ETFA: variants seen among roughly 807,000 people sequenced by gnomAD.
The protein encoded by ETFA is electron transfer flavoprotein subunit alpha.
In ETFA, 22 loss-of-function variants were observed where a neutral mutation model predicts 46.2. The ratio of observed to expected loss-of-function variants is 0.48; its 90% CI spans 0.34 to 0.68. The LOEUF (loss-of-function observed/expected upper bound fraction) is 0.68. ETFA is among the 30% of genes least tolerant of loss of function. ETFA has a pLI of 0.01. For synonymous variants in ETFA, 131 were observed against 139.9 expected (o/e 0.94, Z 0.45); for missense variants, 345 against 401.1 (o/e 0.86, Z 1.19).
intron 11 of ETFA, among the ~76,000 whole-genome samples, chr15:76,225,405 C>T (rs1355891138): frequency 1.3e-5 from 2 of 152,164 alleles, no homozygotes; most frequent in African/African-American, 4.8e-5. Context: ...TCTCCTGCCT[C>T]AGCCTCCCGA....
chr15:76,227,209 G>A (rs1037160254), intron 10 of ETFA, among the ~76,000 whole-genome samples: 2 of 151,944 alleles, frequency 1.3e-5, no homozygotes, highest in Non-Finnish European at 1.5e-5. Flanking sequence ...ACCAGCCTGC[G>A]CAACACAGGG....
intron 7 of ETFA, chr15:76,285,054 C>T (rs991660889): frequency 1.7e-5 from 4 of 238,540 alleles, no homozygotes; most frequent in Non-Finnish European, 3.4e-5. Flanking sequence ...TGTTTAATTG[C>T]AAGGATTTAA....
intron 11 of ETFA, among the ~76,000 whole-genome samples, chr15:76,218,983 G>T (rs570064275): frequency 1.1e-4 from 16 of 152,156 alleles, no homozygotes; most frequent in Non-Finnish European, 2.9e-5. Flanking sequence ...AGAAGGAGAA[G>T]AGAATAGCAT....
intron 1 of ETFA, among the ~76,000 whole-genome samples, chr15:76,305,549 T>C (rs932293469): frequency 6.6e-6 from 1 of 152,236 alleles, no homozygotes; most frequent in East Asian, 1.9e-4. Context: ...TAGCAAAATA[T>C]GAAGTTTTCT....
chr15:76,304,246 C>G (rs965290161), intron 1 of ETFA, among the ~76,000 whole-genome samples: 11 of 152,070 alleles, frequency 7.2e-5, no homozygotes, highest in African/African-American at 2.7e-4. Context: ...CATCAAATAC[C>G]TATGGATACA....
intron 9 of ETFA, among the ~76,000 whole-genome samples, chr15:76,253,236 C>T (rs897705181): frequency 2.0e-5 from 3 of 152,082 alleles, no homozygotes; most frequent in African/African-American, 7.2e-5. Flanking sequence ...AATCCATAAG[C>T]ATACTAGGAA....
At chr15:76,290,237 T>C (rs914116254) in intron 4 of ETFA, among the ~76,000 whole-genome samples, 4 of 150,274 alleles carry the variant, frequency 2.7e-5, no homozygotes, top group African/African-American at 9.8e-5. Context: ...AGTATATAAA[T>C]GCAAAAAACT....
At chr15:76,282,487 ATAAAC>A (rs1290233232) in intron 8 of ETFA, among the ~76,000 whole-genome samples, 1 of 152,228 alleles carries the variant, frequency 6.6e-6, no homozygotes, top group African/African-American at 2.4e-5. Flanking sequence ...TGTAGCCAAA[ATAAAC>A]TAATAGCACC....
chr15:76,305,864 T>G (rs1382106563), intron 1 of ETFA, among the ~76,000 whole-genome samples: 1 of 145,160 alleles, frequency 6.9e-6, no homozygotes, highest in Non-Finnish European at 1.5e-5. Flanking sequence ...CAATAGTTGT[T>G]TTTTTTTTTT....
In ETFA at chr15:76,225,893, T is replaced by C. The variant is rs373896010; in HGVS notation, c.919A>G (p.Ile307Val). Residue 307 changes from isoleucine (I) to valine (V), a missense_variant, in exon 11 of 12, where the codon ATT becomes GTT. Ile to Val is a conservative substitution (Grantham distance 29, BLOSUM62 3). Coordinates refer to ENST00000557943, the MANE Select transcript of ETFA (RefSeq NM_000126.4). ...ATTCCATAATCTGCCACTTGGAAAA[T>C]TGGAGCTTCTGGGTCTTTATTAATT... ...VAINKDPEAPIFQVADYGIVA... is the reference protein window; with the variant it reads ...VAINKDPEAPVFQVADYGIVA... The C allele has an allele frequency of 3.1e-5, 50 of 1,612,166 alleles. No individual in the cohort carries two copies. Among genetic ancestry groups the C allele is most frequent in the Non-Finnish European group, 4.1e-5 (48 of 1,178,420 alleles).
At chr15:76,283,039 G>A (rs1328504151) in intron 8 of ETFA, among the ~76,000 whole-genome samples, 1 of 151,742 alleles carries the variant, frequency 6.6e-6, no homozygotes. Flanking sequence ...CCTATAAATG[G>A]TTAACTACAA....
chr15:76,246,833 C>CA (rs1195183845), intron 9 of ETFA, among the ~76,000 whole-genome samples: 2,003 of 121,416 alleles, frequency 0.016, 38 homozygotes, highest in African/African-American at 0.052. Context: ...GACTCCGTCT[C>CA]AAAAAAAAAA....
At chr15:76,284,189 T>C (rs2039683049) in intron 7 of ETFA, among the ~76,000 whole-genome samples, 1 of 152,250 alleles carries the variant, frequency 6.6e-6, no homozygotes, top group Non-Finnish European at 1.5e-5. Context: ...ATAAAGTTAT[T>C]ATTTGAATGG....
chr15:76,296,716 A>T (rs1020188346), intron 1 of ETFA, among the ~76,000 whole-genome samples: 6 of 152,248 alleles, frequency 3.9e-5, no homozygotes, highest in African/African-American at 1.4e-4. Flanking sequence ...AATGCAGACT[A>T]TCAAGAAACC....
intron 9 of ETFA, among the ~76,000 whole-genome samples, chr15:76,247,961 T>G (rs1396685127): frequency 6.6e-6 from 1 of 152,240 alleles, no homozygotes; most frequent in Non-Finnish European, 1.5e-5. Flanking sequence ...CTGAGTTCTC[T>G]GAAGCTTTAG....
intron 11 of ETFA, among the ~76,000 whole-genome samples, chr15:76,221,929 G>A (rs1343680543): frequency 1.3e-5 from 2 of 152,076 alleles, no homozygotes; most frequent in South Asian, 2.1e-4. Flanking sequence ...CTCCAGATAC[G>A]GTTCTACTTG....
At chr15:76,290,309 A>G (rs544539047) in intron 4 of ETFA, among the ~76,000 whole-genome samples, 2 of 148,892 alleles carry the variant, frequency 1.3e-5, no homozygotes, top group East Asian at 3.9e-4. Flanking sequence ...AAAAAGAGAA[A>G]CATTATGAGC....
In ETFA at chr15:76,295,706, A is replaced by G; in HGVS notation, c.71T>C (p.Val24Ala). Residue 24 changes from valine to alanine, a missense_variant, in exon 2 of 12, where the codon GTA becomes GCA. Coordinates refer to ENST00000557943, the MANE Select transcript of ETFA (RefSeq NM_000126.4). The part of the protein sequence containing the change: ...ASLLRFQSTL[V>A]IAEHANDSLA... ...GGAATCATTTGCATGCTCAGCTATT[A>G]CCAGGGTACTCTGAAATCGTAGCAA... The G allele has an allele frequency of 6.2e-7, 1 of 1,613,180 alleles. No individual in the cohort carries two copies. The highest frequency in any genetic ancestry group is 8.5e-7 in the Non-Finnish European group (1 of 1,179,684).
intron 9 of ETFA, among the ~76,000 whole-genome samples, chr15:76,249,337 A>T (rs999424018): frequency 1.3e-5 from 2 of 151,710 alleles, no homozygotes; most frequent in Non-Finnish European, 2.9e-5. Flanking sequence ...CGTGTTGGTC[A>T]GGCTGCTCTT....
Sources: allele counts gnomAD v4.1 joint callset (sites outside exome capture counted in the v4.1 genomes callset), GRCh38; gene constraint gnomAD v4.1.1; transcripts MANE v1.5; gene names NCBI Gene and HGNC (gene_info 2026-07-23, HGNC 2026-07-21).